The following TGM6 variants were observed in gnomAD, a reference collection of about 807,000 sequenced individuals.
TGM6 encodes the protein protein-glutamine gamma-glutamyltransferase 6.
Under a neutral mutation model 77.5 loss-of-function variants are expected in TGM6, and 74 were observed. The ratio of observed to expected loss-of-function variants is 0.96; its 90% CI spans 0.79 to 1.16. The LOEUF (loss-of-function observed/expected upper bound fraction) is 1.16. TGM6 is among the 50% of genes most tolerant of loss of function. TGM6 has a pLI of 0.00. For missense variants in TGM6, 968 were observed against 940.2 expected (o/e 1.03, Z -0.39); for synonymous variants, 383 against 378.9 (o/e 1.01, Z -0.12).
chr20:2,427,262 T>G (rs2084894285), intron 10 of TGM6, among the ~76,000 whole-genome samples: 1 of 152,216 alleles, frequency 6.6e-6, no homozygotes, highest in African/African-American at 2.4e-5. Flanking sequence ...CCCTTTTATC[T>G]GGATTATCAA....
At chr20:2,381,583 C>T (rs1412206074) in intron 1 of TGM6, among the ~76,000 whole-genome samples, 1 of 152,164 alleles carries the variant, frequency 6.6e-6, no homozygotes, top group Non-Finnish European at 1.5e-5. Context: ...GTGCTGTTCT[C>T]CCACCACACA....
At chr20:2,424,926 A>G (rs1201287460) in intron 10 of TGM6, among the ~76,000 whole-genome samples, 1 of 152,168 alleles carries the variant, frequency 6.6e-6, no homozygotes, top group Non-Finnish European at 1.5e-5. Context: ...GAGATAGGGA[A>G]ATGGCCAGTC....
intron 7 of TGM6, among the ~76,000 whole-genome samples, chr20:2,402,213 GC>G (rs2084715310): frequency 6.6e-6 from 1 of 152,098 alleles, no homozygotes; most frequent in African/African-American, 2.4e-5. Flanking sequence ...TTGCACTCCA[GC>G]CTAGGTGACA....
intron 10 of TGM6, among the ~76,000 whole-genome samples, chr20:2,418,214 T>C (rs1230115967): frequency 6.6e-6 from 1 of 152,174 alleles, no homozygotes; most frequent in Non-Finnish European, 1.5e-5. Flanking sequence ...GGTTTCATGA[T>C]GTTGCCCAGG....
intron 10 of TGM6, among the ~76,000 whole-genome samples, chr20:2,421,039 T>A (rs987560521): frequency 1.3e-5 from 2 of 152,074 alleles, no homozygotes; most frequent in African/African-American, 2.4e-5. Flanking sequence ...CAGGCTAGAG[T>A]GCAGTGGTGC....
At position 2,430,439 on chromosome 20, in the gene TGM6, C is replaced by A. The variant is rs985488355; in HGVS notation, c.1679-7C>A. The A allele has an allele frequency of 1.4e-5, 22 of 1,614,176 alleles. No individual in the cohort carries two copies. Among genetic ancestry groups the A allele is most frequent in the Non-Finnish European group, 1.9e-5 (22 of 1,180,026 alleles). On this transcript the variant is annotated splice_region_variant and splice_polypyrimidine_tract_variant and intron_variant, in intron 10 of 12. Transcript: ENST00000202625. The stretch of plus-strand genomic sequence containing the variant: ...GCCCCAACTCCCACTTCTGCTTTCC[C>A]TTCCAGAGAAGAGAATCCCAATTAC...
chr20:2,404,132 AC>A (rs2084734027), intron 9 of TGM6, among the ~76,000 whole-genome samples: 1 of 152,226 alleles, frequency 6.6e-6, no homozygotes, highest in African/African-American at 2.4e-5. Flanking sequence ...AATAATCACT[AC>A]TAGTAACAAT....
In TGM6 at chr20:2,396,582, C is replaced by A. The variant is rs774880823; in HGVS notation, c.501C>A (p.Gly167=). The A allele has an allele frequency of 1.9e-6, 3 of 1,614,158 alleles. No homozygotes were observed. The highest frequency in any genetic ancestry group is 1.6e-4 in the Middle Eastern group (1 of 6,062). The change falls in exon 4 of 13, where the codon GGC becomes GGA. Residue 167 remains glycine (G), a synonymous_variant. Coordinates refer to ENST00000202625, the MANE Select transcript of TGM6 (RefSeq NM_198994.3). ...GCGACAGCGGCATCATCTTCCGAGGCGTGGAGAAGCACATACGAGCCCAGG... is the reference window on the plus strand; with the variant it reads ...GCGACAGCGGCATCATCTTCCGAGGAGTGGAGAAGCACATACGAGCCCAGG... ...VLSDSGIIFR[G]VEKHIRAQGW...
intron 3 of TGM6, among the ~76,000 whole-genome samples, chr20:2,395,943 T>G (rs972476420): frequency 1.4e-4 from 22 of 152,050 alleles, no homozygotes; most frequent in Admixed American, 1.2e-3. Context: ...CACTTTGGGA[T>G]GCCAAGGCAG....
Position 2,417,435 on chromosome 20 carries a change from G to A in TGM6, c.1540G>A (p.Ala514Thr). Residue 514 changes from alanine (A) to threonine (T), a missense_variant, in exon 10 of 13, where the codon GCC becomes ACC. By Grantham distance (58) the Ala-to-Thr change is moderately conservative. Coordinates refer to ENST00000202625, the MANE Select transcript of TGM6 (RefSeq NM_198994.3). ...CATGCTGGGCCACGACCTGAGACTG[G>A]CCCTGTGCTTGGCCAACCTCACCTC... The part of the protein sequence containing the change: ...PPMLGHDLRL[A>T]LCLANLTSRA... 4 of 1,612,558 alleles carry A rather than the reference G, an allele frequency of 2.5e-6. No homozygotes were observed. The highest frequency in any genetic ancestry group is 3.4e-6 in the Non-Finnish European group (4 of 1,179,998).
At position 2,428,775 on chromosome 20, in the gene TGM6, A is replaced by T. The variant is rs540553692; in HGVS notation, c.1679-1671A>T. Reference sequence around the variant, plus strand: ...TAAGTCAATCTGTGAAAGCGCTTCCAAGTGCAGTACACTTTAATCCCTTAG... The same window carrying T: ...TAAGTCAATCTGTGAAAGCGCTTCCTAGTGCAGTACACTTTAATCCCTTAG... On this transcript the variant is annotated intron_variant, in intron 10 of 12. Transcript: ENST00000202625. Among the ~76,000 whole-genome samples, 3 of 152,268 alleles carry T rather than the reference A, an allele frequency of 2.0e-5. No individual in the cohort carries two copies. The South Asian group carries it at 6.2e-4, about 32-fold the overall frequency.
chr20:2,421,026 C>T (rs2084852404), intron 10 of TGM6, among the ~76,000 whole-genome samples: 1 of 151,858 alleles, frequency 6.6e-6, no homozygotes, highest in South Asian at 2.1e-4. Context: ...CTCGCTCCGT[C>T]ACCAGGCTAG....
chr20:2,419,094 C>A (rs905828787), intron 10 of TGM6, among the ~76,000 whole-genome samples: 1 of 152,166 alleles, frequency 6.6e-6, no homozygotes, highest in Non-Finnish European at 1.5e-5. Flanking sequence ...ATTATTCTTG[C>A]ACTTTTTTCC....
intron 3 of TGM6, among the ~76,000 whole-genome samples, chr20:2,396,161 CA>C (rs1367415115): frequency 8.6e-6 from 1 of 115,940 alleles, no homozygotes. Context: ...GCCTGGGCAA[CA>C]AGAGCAAAAC....
At chr20:2,383,624 G>T (rs1323339541) in intron 1 of TGM6, among the ~76,000 whole-genome samples, 1 of 152,190 alleles carries the variant, frequency 6.6e-6, no homozygotes, top group Non-Finnish European at 1.5e-5. Flanking sequence ...CTGAACCTCA[G>T]TTTCTCCATA....
At chr20:2,422,352 G>A (rs1486530927) in intron 10 of TGM6, among the ~76,000 whole-genome samples, 3 of 152,028 alleles carry the variant, frequency 2.0e-5, no homozygotes, top group Non-Finnish European at 4.4e-5. Flanking sequence ...TATTTCCTTT[G>A]CTACTTTGTC....
In TGM6 at chr20:2,430,508, A is replaced by G; in HGVS notation, c.1741A>G (p.Lys581Glu). The G allele has an allele frequency of 6.2e-7, 1 of 1,614,216 alleles. No homozygotes were observed. The highest frequency in any genetic ancestry group is 8.5e-7 in the Non-Finnish European group (1 of 1,180,046). ...KYKEDLTEDKKILLAAMCLVT... is the reference protein window; with the variant it reads ...KYKEDLTEDKEILLAAMCLVT... The stretch of plus-strand genomic sequence containing the variant: ...TAAAGAAGACCTGACAGAGGACAAG[A>G]AGATCCTGTTGGCTGCCATGTGCCT... The change falls in exon 11 of 13, where the codon AAG becomes GAG. Residue 581 changes from lysine to glutamate, a missense_variant. Lys to Glu is a moderately conservative substitution (Grantham distance 56). Transcript: ENST00000202625.
At chr20:2,398,531 A>T (rs1599950275) in intron 5 of TGM6, among the ~76,000 whole-genome samples, 1 of 152,294 alleles carries the variant, frequency 6.6e-6, no homozygotes, top group East Asian at 1.9e-4. Flanking sequence ...GCTTCCCCAC[A>T]ATATGGCAGT....
At chr20:2,398,316 G>A (rs1170352269) in intron 5 of TGM6, among the ~76,000 whole-genome samples, 1 of 152,174 alleles carries the variant, frequency 6.6e-6, no homozygotes, top group East Asian at 1.9e-4. Flanking sequence ...ATATGTCTGG[G>A]ATGGTTTAAC....
Sources: gnomAD v4.1 joint callset for allele counts (sites outside exome capture counted in the v4.1 genomes callset) on GRCh38, gnomAD v4.1.1 for gene constraint, MANE v1.5 for transcripts, NCBI Gene and HGNC (gene_info 2026-07-23, HGNC 2026-07-21) for gene names.